ZNF618: variants seen among roughly 807,000 people sequenced by gnomAD.
ZNF618 encodes the protein neural precursor cell expressed, developmentally down-regulated 10.
ZNF618 carries 34 observed loss-of-function variants against 103.0 expected under a neutral mutation model. The observed-to-expected ratio is 0.33, with a 90% CI of 0.25 to 0.44. The LOEUF (loss-of-function observed/expected upper bound fraction) is 0.44. Among genes scored for constraint, ZNF618 ranks in the 20% least tolerant of loss-of-function variants. The pLI, the probability that ZNF618 is intolerant of heterozygous loss-of-function variation, is 1.00. For missense variants in ZNF618, 1,059 were observed against 1,295.4 expected (o/e 0.82, Z 2.80); for synonymous variants, 551 against 542.2 (o/e 1.02, Z -0.23).
At chr9:113,905,172 G>A (rs1264797517) in intron 1 of ZNF618, among the ~76,000 whole-genome samples, 4 of 152,044 alleles carry the variant, frequency 2.6e-5, no homozygotes, top group South Asian at 2.1e-4. Context: ...TGGTTCAAGC[G>A]ATTCTTGTGC....
intron 1 of ZNF618, among the ~76,000 whole-genome samples, chr9:113,919,250 C>T (rs550837970): frequency 1.3e-5 from 2 of 152,232 alleles, no homozygotes; most frequent in South Asian, 2.1e-4. Flanking sequence ...GAACAGCAGC[C>T]GCGGCAGGGA....
At chr9:113,927,049 T>G (rs568725840) in intron 1 of ZNF618, among the ~76,000 whole-genome samples, 1 of 152,232 alleles carries the variant, frequency 6.6e-6, no homozygotes, top group African/African-American at 2.4e-5. Context: ...AATTCCCAAG[T>G]CTATGTCATA....
intron 1 of ZNF618, among the ~76,000 whole-genome samples, chr9:113,915,637 T>C (rs1044925565): frequency 4.6e-5 from 7 of 152,138 alleles, no homozygotes; most frequent in Non-Finnish European, 1.0e-4. Flanking sequence ...TGAGGGAAGC[T>C]GAAAATATTA....
In ZNF618 at chr9:114,056,552, A is replaced by C. The variant is rs550720929; in HGVS notation, c.*6385A>C. ...TCAGTTGCTTAAATGATTTCATGTC[A>C]GTGTTGTATTTATGGTTTTACAATA... is the stretch of plus-strand genomic sequence containing the variant. On this transcript the variant is annotated 3_prime_UTR_variant, in exon 15 of 15. Coordinates refer to ENST00000374126, the MANE Select transcript of ZNF618 (RefSeq NM_001318042.2). 2 of 152,364 alleles carry C rather than the reference A, an allele frequency of 1.3e-5. No homozygotes were observed. Among genetic ancestry groups the C allele is most frequent in the East Asian group, 3.9e-4 (2 of 5,188 alleles). The allele number at this position is 152,364 out of a possible 1,614,324, so 9.4% of individuals were successfully genotyped here.
rs1476754592 is a variant in ZNF618 at position 113,988,466 on chromosome 9, A to G, written c.223A>G (p.Ile75Val). The change falls in exon 3 of 15, where the codon ATC becomes GTC. Residue 75 changes from isoleucine (I) to valine (V), a missense_variant. Transcript: ENST00000374126. ...GCCCGATGACTACATCCAGGAGGTGATCTGGCAGGGCGAGGCCAAGGAGGA... is the reference window on the plus strand; with the variant it reads ...GCCCGATGACTACATCCAGGAGGTGGTCTGGCAGGGCGAGGCCAAGGAGGA... The part of the protein sequence containing the change: ...ELPDDYIQEV[I>V]WQGEAKEEKK... 1 of 1,613,524 alleles carries G rather than the reference A, an allele frequency of 6.2e-7. No individual in the cohort carries two copies. The highest frequency in any genetic ancestry group is 8.5e-7 in the Non-Finnish European group (1 of 1,179,902).
At chr9:113,922,788 T>A (rs1832764758) in intron 1 of ZNF618, among the ~76,000 whole-genome samples, 1 of 152,206 alleles carries the variant, frequency 6.6e-6, no homozygotes, top group Admixed American at 6.5e-5. Context: ...ATTCTGGGTC[T>A]TTTGCCTTTC....
chr9:113,973,374 C>T (rs574597129), intron 2 of ZNF618, among the ~76,000 whole-genome samples: 102 of 152,284 alleles, frequency 6.7e-4, no homozygotes, highest in African/African-American at 2.4e-3. Flanking sequence ...CCAGCGCCTT[C>T]CTCTTGGCCT....
chr9:114,031,365 G>A (rs1020315379), intron 11 of ZNF618, among the ~76,000 whole-genome samples: 3 of 152,196 alleles, frequency 2.0e-5, no homozygotes, highest in African/African-American at 7.2e-5. Flanking sequence ...AATGTTAGCT[G>A]CAGCCTCTGC....
In ZNF618 at chr9:113,997,526, G is replaced by C. The variant is rs537582101; in HGVS notation, c.338-733G>C. Among the ~76,000 whole-genome samples, 13 of 152,292 alleles carry C rather than the reference G, an allele frequency of 8.5e-5. No individual in the cohort carries two copies. The East Asian group carries it at 2.5e-3, about 29-fold the overall frequency. ...CTCACTTTCCTCATCTGAAAAATGG[G>C]GATAATAATCACCTTTACCTGCTGG... is the stretch of plus-strand genomic sequence containing the variant. On this transcript the variant is annotated intron_variant, in intron 3 of 14. Transcript: ENST00000374126.
intron 10 of ZNF618, among the ~76,000 whole-genome samples, chr9:114,022,755 A>T (rs961933320): frequency 7.2e-5 from 11 of 151,940 alleles, no homozygotes; most frequent in Admixed American, 6.6e-5. Flanking sequence ...CTCAACTCTA[A>T]TGGTGGATTT....
chr9:113,929,823 T>G (rs1361131247), intron 1 of ZNF618, among the ~76,000 whole-genome samples: 1 of 152,248 alleles, frequency 6.6e-6, no homozygotes, highest in African/African-American at 2.4e-5. Context: ...AGTTGGTGTT[T>G]CATGGCAGTA....
intron 1 of ZNF618, among the ~76,000 whole-genome samples, chr9:113,903,832 AT>A (rs1433352507): frequency 6.6e-6 from 1 of 151,480 alleles, no homozygotes; most frequent in Non-Finnish European, 1.5e-5. Context: ...TGTCTTCAAA[AT>A]TTTTTTCTTA....
At chr9:113,912,690 T>G (rs1831662684) in intron 1 of ZNF618, among the ~76,000 whole-genome samples, 1 of 152,082 alleles carries the variant, frequency 6.6e-6, no homozygotes, top group South Asian at 2.1e-4. Flanking sequence ...CTAGAGTTCC[T>G]CCCCTCGTCT....
chr9:113,949,184 T>G (rs1384116310), intron 1 of ZNF618, among the ~76,000 whole-genome samples: 2 of 152,248 alleles, frequency 1.3e-5, no homozygotes, highest in African/African-American at 4.8e-5. Flanking sequence ...GCATTGGAGC[T>G]TCACATCTTC....
chr9:113,979,010 G>A (rs1260980428), intron 2 of ZNF618, among the ~76,000 whole-genome samples: 4 of 152,138 alleles, frequency 2.6e-5, no homozygotes, highest in Non-Finnish European at 4.4e-5. Flanking sequence ...GGTGTGTTTT[G>A]TCTGGTCATT....
intron 1 of ZNF618, among the ~76,000 whole-genome samples, chr9:113,878,283 C>T (rs1828149564): frequency 6.6e-6 from 1 of 151,974 alleles, no homozygotes; most frequent in African/African-American, 2.4e-5. Flanking sequence ...TATCCATCTT[C>T]CTTGGTAGAA....
At chr9:113,907,505 A>G (rs4979294) in intron 1 of ZNF618, among the ~76,000 whole-genome samples, 87,986 of 152,068 alleles carry the variant, frequency 0.58, 25,804 homozygotes, top group East Asian at 0.68. Flanking sequence ...TTTCCCAGGC[A>G]ATGAGGCTTC....
At chr9:113,924,982 A>C (rs1832956795) in intron 1 of ZNF618, among the ~76,000 whole-genome samples, 1 of 151,948 alleles carries the variant, frequency 6.6e-6, no homozygotes, top group Non-Finnish European at 1.5e-5. Context: ...GTCCTTGAGA[A>C]GAATGTGTAT....
chr9:113,906,096 T>G (rs1448376980), intron 1 of ZNF618, among the ~76,000 whole-genome samples: 2 of 152,196 alleles, frequency 1.3e-5, no homozygotes, highest in Non-Finnish European at 2.9e-5. Flanking sequence ...CACCAGTGCT[T>G]CTTGTATCAG....
Sources: allele counts gnomAD v4.1 joint callset (sites outside exome capture counted in the v4.1 genomes callset), GRCh38; gene constraint gnomAD v4.1.1; transcripts MANE v1.5; gene names NCBI Gene and HGNC (gene_info 2026-07-23, HGNC 2026-07-21).